The following ATG5 variants were observed in gnomAD, a reference collection of about 807,000 sequenced individuals.
The protein encoded by ATG5 is autophagy related 5.
Under a neutral mutation model 36.5 loss-of-function variants are expected in ATG5, and 14 were observed. That is an observed-to-expected ratio of 0.38 (90% CI 0.25 to 0.60). The LOEUF (loss-of-function observed/expected upper bound fraction) is 0.60, where lower values mean the gene tolerates loss of function less well. Ranked by LOEUF, ATG5 falls within the 20% of genes least tolerant of loss-of-function variation. The pLI is 0.60. For synonymous variants in ATG5, 95 were observed against 101.5 expected (o/e 0.94, Z 0.38); for missense variants, 195 against 326.7 (o/e 0.60, Z 3.11).
chr6:106,322,210 C>A (rs754580888), intron 1 of ATG5, among the ~76,000 whole-genome samples: 44 of 151,652 alleles, frequency 2.9e-4, no homozygotes, highest in Admixed American at 2.7e-3. Flanking sequence ...AGAGTAGGTG[C>A]CCACCAACAA....
intron 5 of ATG5, among the ~76,000 whole-genome samples, chr6:106,253,686 C>G (rs1376911359): frequency 6.6e-6 from 1 of 152,168 alleles, no homozygotes; most frequent in Non-Finnish European, 1.5e-5. Flanking sequence ...CCCCTGTGCA[C>G]AGCATCCAGA....
chr6:106,321,356 T>C (rs746952269), intron 1 of ATG5, among the ~76,000 whole-genome samples: 1 of 150,822 alleles, frequency 6.6e-6, no homozygotes, highest in Non-Finnish European at 1.5e-5. Flanking sequence ...CCTCTCTGGG[T>C]CAACTCTTTT....
At chr6:106,265,865 A>C (rs1037320016) in intron 5 of ATG5, among the ~76,000 whole-genome samples, 1 of 152,232 alleles carries the variant, frequency 6.6e-6, no homozygotes, top group Non-Finnish European at 1.5e-5. Context: ...AGGGAAATTT[A>C]TAGCACTAAA....
At position 106,185,943 on chromosome 6, in the gene ATG5, G is replaced by A. The variant is rs1436243082; in HGVS notation, c.*597C>T. 6.5e-6 allele frequency: 1 copy of A among 152,696 alleles called. No individual in the cohort carries two copies. The highest frequency in any genetic ancestry group is 2.4e-5 in the African/African-American group (1 of 41,408). 9.5% of individuals were successfully genotyped at this position (152,696 alleles called of 1,614,324 possible). A position where few individuals can be genotyped will look rare whatever the true frequency, so the allele number is the denominator to read the frequency against. ...ATTAAATGACAAAACATATTTAGAG[G>A]CTTTATTTAAAAATCTCTCACTGTT... On this transcript the variant is annotated 3_prime_UTR_variant, in exon 8 of 8. Transcript: ENST00000369076.
intron 4 of ATG5, among the ~76,000 whole-genome samples, chr6:106,285,896 A>G (rs1033888301): frequency 6.6e-6 from 1 of 152,002 alleles, no homozygotes; most frequent in Non-Finnish European, 1.5e-5. Context: ...ACATTTGCCA[A>G]CTCCTGCTCT....
intron 5 of ATG5, among the ~76,000 whole-genome samples, chr6:106,260,961 T>TAA (rs1294393165): frequency 6.6e-6 from 1 of 152,190 alleles, no homozygotes; most frequent in Non-Finnish European, 1.5e-5. Flanking sequence ...GGCTTTTGTT[T>TAA]AAAAGCATGT....
intron 2 of ATG5, among the ~76,000 whole-genome samples, chr6:106,312,893 G>C (rs1318692785): frequency 6.6e-6 from 1 of 152,224 alleles, no homozygotes; most frequent in Non-Finnish European, 1.5e-5. Context: ...TAACTGGTAG[G>C]AGGTGGAAGG....
chr6:106,239,965 C>T (rs1438062163), intron 6 of ATG5, among the ~76,000 whole-genome samples: 1 of 152,022 alleles, frequency 6.6e-6, no homozygotes, highest in Non-Finnish European at 1.5e-5. Context: ...CTCATAGACA[C>T]CTATCTCACA....
intron 6 of ATG5, among the ~76,000 whole-genome samples, chr6:106,224,129 C>G (rs902498539): frequency 3.3e-5 from 5 of 152,280 alleles, no homozygotes; most frequent in Admixed American, 3.3e-4. Flanking sequence ...CTCTGGGAGC[C>G]AAGGCTATTC....
intron 6 of ATG5, among the ~76,000 whole-genome samples, chr6:106,242,509 T>G (rs1778167772): frequency 6.6e-6 from 1 of 152,152 alleles, no homozygotes; most frequent in African/African-American, 2.4e-5. Flanking sequence ...TACAACAGTG[T>G]GAACATAATT....
chr6:106,195,336 T>TA (rs1776131742), intron 7 of ATG5, among the ~76,000 whole-genome samples: 1 of 152,174 alleles, frequency 6.6e-6, no homozygotes. Flanking sequence ...CACCCAATCT[T>TA]AAAGTCTTTC....
chr6:106,219,194 T>C (rs1457851164), intron 6 of ATG5, among the ~76,000 whole-genome samples: 1 of 152,192 alleles, frequency 6.6e-6, no homozygotes, highest in African/African-American at 2.4e-5. Context: ...GAGTAAGTAC[T>C]ACATTGGATT....
At chr6:106,318,456 A>G (rs938534253) in intron 1 of ATG5, among the ~76,000 whole-genome samples, 9 of 152,230 alleles carry the variant, frequency 5.9e-5, no homozygotes, top group African/African-American at 1.9e-4. Flanking sequence ...ATAGACTTAG[A>G]AGGCAGAACA....
chr6:106,281,757 A>T (rs1051469217), intron 4 of ATG5, among the ~76,000 whole-genome samples: 18 of 152,102 alleles, frequency 1.2e-4, no homozygotes, highest in Admixed American at 1.2e-3. Flanking sequence ...CTGCCAAACT[A>T]TTTTTCAACA....
At chr6:106,321,133 A>G (rs1771048150) in intron 1 of ATG5, among the ~76,000 whole-genome samples, 1 of 152,240 alleles carries the variant, frequency 6.6e-6, no homozygotes, top group Admixed American at 6.5e-5. Flanking sequence ...ATTTCCACCT[A>G]TTAGTTACGT....
chr6:106,239,446 T>A (rs1778025154), intron 6 of ATG5, among the ~76,000 whole-genome samples: 1 of 152,142 alleles, frequency 6.6e-6, no homozygotes, highest in African/African-American at 2.4e-5. Flanking sequence ...CCATCTCTAA[T>A]CAGACAGGAC....
chr6:106,246,012 A>C (rs1336257624), intron 6 of ATG5, among the ~76,000 whole-genome samples: 1 of 152,194 alleles, frequency 6.6e-6, no homozygotes, highest in Non-Finnish European at 1.5e-5. Flanking sequence ...GGGAAATAGG[A>C]AAAGCCAGGA....
At chr6:106,194,963 G>C (rs1776118834) in intron 7 of ATG5, among the ~76,000 whole-genome samples, 1 of 152,148 alleles carries the variant, frequency 6.6e-6, no homozygotes, top group Admixed American at 6.5e-5. Flanking sequence ...TTAGATCTCT[G>C]AGTCATTTTA....
At chr6:106,241,993 T>C (rs1778145608) in intron 6 of ATG5, among the ~76,000 whole-genome samples, 1 of 152,116 alleles carries the variant, frequency 6.6e-6, no homozygotes, top group Admixed American at 6.6e-5. Flanking sequence ...CCCCTGTTCA[T>C]GGCAGCATTA....
Sources: gnomAD v4.1 joint callset for allele counts (sites outside exome capture counted in the v4.1 genomes callset) on GRCh38, gnomAD v4.1.1 for gene constraint, MANE v1.5 for transcripts, NCBI Gene and HGNC (gene_info 2026-07-23, HGNC 2026-07-21) for gene names.